Variants in MCPH1 observed in about 807,000 individuals in gnomAD.
The protein encoded by MCPH1 is microcephalin 1.
Under a neutral mutation model 84.5 loss-of-function variants are expected in MCPH1, and 104 were observed. The observed-to-expected ratio is 1.23, with a 90% confidence interval of 1.05 to 1.45. MCPH1 has a LOEUF of 1.45. MCPH1 is among the 40% of genes most tolerant of loss of function. The probability of loss-of-function intolerance (pLI) is 0.00; values close to 1 mark genes in which losing one functional copy is unlikely to be tolerated. For synonymous variants in MCPH1, 514 were observed against 366.8 expected (o/e 1.40, Z -4.58); for missense variants, 1,498 against 1,005.7 (o/e 1.49, Z -6.62).
intron 13 of MCPH1, among the ~76,000 whole-genome samples, chr8:6,630,191 A>G (rs928458932): frequency 2.0e-4 from 31 of 152,240 alleles, no homozygotes; most frequent in Admixed American, 5.9e-4. Flanking sequence ...AGGCTCAGCA[A>G]TAGCAAAAAA....
intron 4 of MCPH1, among the ~76,000 whole-genome samples, chr8:6,435,643 C>T (rs1434231590): frequency 2.0e-5 from 3 of 152,132 alleles, no homozygotes; most frequent in Non-Finnish European, 4.4e-5. Context: ...CCTGGGCATG[C>T]TCAAGTGACG....
intron 9 of MCPH1, among the ~76,000 whole-genome samples, chr8:6,463,111 A>T (rs1275189105): frequency 6.6e-6 from 1 of 152,180 alleles, no homozygotes. Context: ...AGCCTTTTCT[A>T]AAAGCTCCTT....
In MCPH1 at chr8:6,611,719, C is replaced by T. The variant is rs866526201; in HGVS notation, c.2215-9735C>T. Among the ~76,000 whole-genome samples the T allele has an allele frequency of 5.9e-5, 9 of 152,290 alleles. No individual in the cohort carries two copies. In the Middle Eastern group the frequency reaches 0.017, roughly 288 times the overall value. On this transcript the variant is annotated intron_variant, in intron 12 of 13. Transcript: ENST00000344683. ...CTGCAAGCTCCGCCTCCCGGGTTCT[C>T]GCCATTCTCCTGCCTCAGCCTCCCC...
At position 6,476,575 on chromosome 8, in the gene MCPH1, A is replaced by G. The variant is rs182829815; in HGVS notation, c.1936-1019A>G. Among the ~76,000 whole-genome samples, 65 of 152,332 alleles carry G rather than the reference A, an allele frequency of 4.3e-4. No homozygotes were observed. The Middle Eastern group carries it at 0.027, about 64-fold the overall frequency. On this transcript the variant is annotated intron_variant, in intron 9 of 13. Transcript: ENST00000344683. ...ACCAAAGTAGAAAAGCAGACAAACG[A>G]AAAATACTAGCAAATCAGATTCTGT...
intron 12 of MCPH1, among the ~76,000 whole-genome samples, chr8:6,564,292 T>C (rs535966586): frequency 1.9e-4 from 29 of 152,174 alleles, no homozygotes; most frequent in Non-Finnish European, 3.4e-4. Flanking sequence ...ACTTCTTTAT[T>C]GTGTCAGAAT....
intron 12 of MCPH1, among the ~76,000 whole-genome samples, chr8:6,517,374 G>T (rs900425704): frequency 6.6e-6 from 1 of 152,192 alleles, no homozygotes; most frequent in Non-Finnish European, 1.5e-5. Flanking sequence ...AGAGACAACC[G>T]TTAGGAGTCA....
At chr8:6,521,693 G>A (rs1817372725) in intron 12 of MCPH1, among the ~76,000 whole-genome samples, 1 of 152,148 alleles carries the variant, frequency 6.6e-6, no homozygotes, top group Non-Finnish European at 1.5e-5. Context: ...GTGGGATATG[G>A]GTGTTTTTTG....
intron 12 of MCPH1, among the ~76,000 whole-genome samples, chr8:6,565,858 G>C (rs116431373): frequency 0.012 from 1,881 of 152,300 alleles, 34 homozygotes; most frequent in African/African-American, 0.043. Flanking sequence ...AGCTGGCATG[G>C]ACTCCATCCT....
intron 12 of MCPH1, among the ~76,000 whole-genome samples, chr8:6,545,045 C>G (rs979699086): frequency 6.6e-6 from 1 of 152,082 alleles, no homozygotes; most frequent in Admixed American, 6.5e-5. Context: ...AAATGAATGC[C>G]ATCACAGACA....
rs543672183 is a variant in MCPH1 at position 6,601,365 on chromosome 8, C to T, written c.2215-20089C>T. On this transcript the variant is annotated intron_variant, in intron 12 of 13. Coordinates refer to ENST00000344683, the MANE Select transcript of MCPH1 (RefSeq NM_024596.5). ...CCTTCAAGACCTCTCCTTAAACTGC[C>T]CTCCTCCTCTTCCGTCCAGCCACCT... Among the ~76,000 whole-genome samples the T allele has an allele frequency of 3.3e-5, 5 of 152,200 alleles. 1 individual carries two copies. Among genetic ancestry groups the T allele is most frequent in the African/African-American group, 1.2e-4 (5 of 41,502 alleles).
intron 12 of MCPH1, among the ~76,000 whole-genome samples, chr8:6,578,197 G>T (rs1474724066): frequency 6.6e-6 from 1 of 152,130 alleles, no homozygotes; most frequent in East Asian, 1.9e-4. Context: ...CACTGTAGTG[G>T]CTCATGGGAG....
intron 4 of MCPH1, among the ~76,000 whole-genome samples, chr8:6,435,252 G>A (rs965441907): frequency 6.6e-6 from 1 of 152,252 alleles, no homozygotes; most frequent in South Asian, 2.1e-4. Flanking sequence ...CAGGGAGGAT[G>A]ACGTGAGAAT....
At chr8:6,414,039 C>T (rs10099316) in intron 2 of MCPH1, among the ~76,000 whole-genome samples, 148,022 of 152,216 alleles carry the variant, frequency 0.97, 72,105 homozygotes, top group East Asian at 1. Flanking sequence ...AGGTGTGAAC[C>T]ACCACACCCA....
At chr8:6,614,929 A>T (rs1830654017) in intron 12 of MCPH1, among the ~76,000 whole-genome samples, 1 of 150,996 alleles carries the variant, frequency 6.6e-6, no homozygotes, top group Non-Finnish European at 1.5e-5. Flanking sequence ...CCTGATCTCA[A>T]CCCCTCCATC....
intron 13 of MCPH1, chr8:6,625,029 C>T (rs1306264065): frequency 2.1e-6 from 1 of 483,872 alleles, no homozygotes; most frequent in African/African-American, 2.1e-5. Flanking sequence ...GCCCCGCCAC[C>T]ATGCCCAGGT....
chr8:6,566,909 G>A (rs1197938271), intron 12 of MCPH1, among the ~76,000 whole-genome samples: 1 of 150,688 alleles, frequency 6.6e-6, no homozygotes, highest in Non-Finnish European at 1.5e-5. Context: ...TGTGTGATCG[G>A]CAAGGCCATG....
At chr8:6,555,315 C>G (rs1048381859) in intron 12 of MCPH1, among the ~76,000 whole-genome samples, 1 of 152,196 alleles carries the variant, frequency 6.6e-6, no homozygotes, top group Non-Finnish European at 1.5e-5. Flanking sequence ...TTTCGTCGTC[C>G]TGCCTTTCAA....
chr8:6,634,397 A>G (rs1462433317), intron 13 of MCPH1, among the ~76,000 whole-genome samples: 1 of 152,204 alleles, frequency 6.6e-6, no homozygotes, highest in East Asian at 1.9e-4. Flanking sequence ...ATTGCTGATG[A>G]GACATGACCA....
intron 12 of MCPH1, among the ~76,000 whole-genome samples, chr8:6,601,638 C>T (rs1459112860): frequency 6.6e-6 from 1 of 151,408 alleles, no homozygotes; most frequent in Non-Finnish European, 1.5e-5. Flanking sequence ...GCACACCATA[C>T]ATACACATAC....
Sources: allele counts gnomAD v4.1 joint callset (sites outside exome capture counted in the v4.1 genomes callset), GRCh38; gene constraint gnomAD v4.1.1; transcripts MANE v1.5; gene names NCBI Gene and HGNC (gene_info 2026-07-23, HGNC 2026-07-21).